The following FZR1 variants were observed in gnomAD, a reference collection of about 807,000 sequenced individuals.
FZR1 encodes fizzy-related protein homolog.
FZR1 carries 11 observed loss-of-function variants against 63.6 expected under a neutral mutation model. The ratio of observed to expected loss-of-function variants is 0.17; its 90% CI spans 0.11 to 0.29. The LOEUF is 0.29. Ranked by LOEUF, FZR1 falls within the 10% of genes least tolerant of loss-of-function variation. FZR1 has a pLI of 1.00. For missense variants in FZR1, 440 were observed against 687.5 expected, an observed-to-expected ratio of 0.64 and a Z score of 4.03; for synonymous variants, 328 against 297.9, an observed-to-expected ratio of 1.10 and a Z score of -1.04.
At chr19:3,524,617 G>GC (rs2083134550) in intron 2 of FZR1, among the ~76,000 whole-genome samples, 1 of 152,168 alleles carries the variant, frequency 6.6e-6, no homozygotes, top group Non-Finnish European at 1.5e-5. Context: ...GGCCGCAGAC[G>GC]GGGCCCACGC....
At chr19:3,518,459 G>T (rs1443111448) in intron 1 of FZR1, among the ~76,000 whole-genome samples, 2 of 152,166 alleles carry the variant, frequency 1.3e-5, no homozygotes, top group African/African-American at 2.4e-5. Context: ...AGCCACAAAG[G>T]CTCCCACCAG....
Position 3,525,899 on chromosome 19 carries a change from C to G in FZR1, c.101C>G (p.Ala34Gly), listed in dbSNP as rs765125004. Residue 34 changes from alanine (A) to glycine (G), a missense_variant, in exon 3 of 14, where the codon GCC (alanine) becomes GGC (glycine). Around this residue, in one of 5 missense-constraint regions of FZR1, gnomAD observed 200 missense variants for 245.1 expected, o/e 0.82. Coordinates refer to ENST00000441788, the MANE Select transcript of FZR1 (RefSeq NM_016263.4). This position sits in a 1 kb window ranked among gnomAD's most constrained non-coding sequence, Gnocchi z 4.2. ...GAGATGCGGCGGACCCTGACGCCTG[C>G]CAGCTCCCCAGTGTCCTCGCCCAGC... ...VTEMRRTLTPASSPVSSPSKH... is the reference protein window; with the variant it reads ...VTEMRRTLTPGSSPVSSPSKH... The G allele has an allele frequency of 6.2e-7, 1 of 1,612,204 alleles. No individual in the cohort carries two copies. Among genetic ancestry groups the G allele is most frequent in the South Asian group, 1.1e-5 (1 of 91,078 alleles).
Position 3,514,942 on chromosome 19 carries a change from G to A in FZR1, c.-34-8014G>A, listed in dbSNP as rs911356879. On this transcript the variant is annotated intron_variant, in intron 1 of 13. Transcript: ENST00000441788. This position sits in a 1 kb window ranked among gnomAD's most constrained non-coding sequence, Gnocchi z 4.2. ...CCTGGCTCTTCATTCTGGGGCCCAGGGGGTGAAAGGTGGACCTTCCCTATG... is the reference window on the plus strand; with the variant it reads ...CCTGGCTCTTCATTCTGGGGCCCAGAGGGTGAAAGGTGGACCTTCCCTATG... Among the ~76,000 whole-genome samples, 3 of 152,160 alleles carry A rather than the reference G, an allele frequency of 2.0e-5. No homozygotes were observed. The highest frequency in any genetic ancestry group is 7.2e-5 in the African/African-American group (3 of 41,444).
chr19:3,534,354 G>A, intron 12 of FZR1, 67 bp from the exon 13 acceptor site: 1 of 853,876 alleles, frequency 1.2e-6, no homozygotes, highest in South Asian at 1.5e-5. Context: ...CTCTCCTTCA[G>A]TCCCCCAGCA....
rs576340728 is a variant in FZR1 at position 3,514,163 on chromosome 19, CAG to C, written c.-35+7690_-35+7691del. Among the ~76,000 whole-genome samples the C allele has an allele frequency of 1.8e-4, 27 of 152,294 alleles. No individual in the cohort carries two copies. The highest frequency in any genetic ancestry group is 5.8e-4 in the African/African-American group (24 of 41,558). On this transcript the variant is annotated intron_variant, in intron 1 of 13. Coordinates refer to ENST00000441788, the MANE Select transcript of FZR1 (RefSeq NM_016263.4). This position sits in a 1 kb window ranked among gnomAD's most constrained non-coding sequence, Gnocchi z 4.2. ...GCCCCTCACGCTTTGCGTCCCCACTCAGGGACACCTCAAAGTCGAGCCTGGAG... is the reference window on the plus strand; with the variant it reads ...GCCCCTCACGCTTTGCGTCCCCACTCGGACACCTCAAAGTCGAGCCTGGAG...
At chr19:3,527,114 A>G (rs2083167988) in intron 6 of FZR1, 52 bp downstream of exon 6, 3 of 1,391,924 alleles carry the variant, frequency 2.2e-6, no homozygotes, top group African/African-American at 2.8e-5. Context: ...TCCCGTCAGC[A>G]GCAAGAGGTG....
In FZR1 at chr19:3,515,885, G is replaced by A. The variant is rs1032366692; in HGVS notation, c.-34-7071G>A. Among the ~76,000 whole-genome samples, 4 of 151,586 alleles carry A rather than the reference G, an allele frequency of 2.6e-5. No homozygotes were observed. The highest frequency in any genetic ancestry group is 3.9e-4 in the East Asian group (2 of 5,172). On this transcript the variant is annotated intron_variant, in intron 1 of 13. Coordinates refer to ENST00000441788, the MANE Select transcript of FZR1 (RefSeq NM_016263.4). The surrounding 1 kb of genome is among the most constrained non-coding windows in gnomAD (Gnocchi z 4.6). ...CTCCCCACCCACCCCATGACCAGCC[G>A]CTTTTCGAACCTTCTGGGAGCAGTG...
Position 3,530,851 on chromosome 19 carries a change from T to C in FZR1, c.714T>C (p.Ser238=), listed in dbSNP as rs779635500. The change falls in exon 8 of 14, where the codon TCT becomes TCC. Residue 238 remains serine (S), a synonymous_variant. Transcript: ENST00000441788. ...EGDSVTSVGW[S]ERGNLVAVGT... ...ACTCAGTGACCTCCGTGGGCTGGTC[T>C]GAGCGGGTGAGTGCAGAGGGCTTGG... The C allele has an allele frequency of 1.2e-6, 2 of 1,612,032 alleles. No individual in the cohort carries two copies. Among genetic ancestry groups the C allele is most frequent in the Non-Finnish European group, 1.7e-6 (2 of 1,178,890 alleles).
chr19:3,508,515 C>G (rs2083002444), intron 1 of FZR1, among the ~76,000 whole-genome samples: 1 of 152,202 alleles, frequency 6.6e-6, no homozygotes, highest in South Asian at 2.1e-4. Context: ...ATTTTCAAAC[C>G]ACTTACTGTT....
In FZR1 at chr19:3,523,865, A is replaced by G. The variant is rs73526002; in HGVS notation, c.69+807A>G. On this transcript the variant is annotated intron_variant, in intron 2 of 13. Transcript: ENST00000441788. Reference sequence around the variant, plus strand: ...CTAGGCCTGGGGCAGGCTCACCTTCAAGGCTTTGTTCAGCTTCAGACCCCA... The same window carrying G: ...CTAGGCCTGGGGCAGGCTCACCTTCGAGGCTTTGTTCAGCTTCAGACCCCA... Among the ~76,000 whole-genome samples, 300 of 152,206 alleles carry G rather than the reference A, an allele frequency of 2.0e-3. 1 individual carries two copies. The highest frequency in any genetic ancestry group is 6.9e-3 in the African/African-American group (287 of 41,532).
chr19:3,508,239 T>A (rs1285968707), intron 1 of FZR1, among the ~76,000 whole-genome samples: 1 of 145,276 alleles, frequency 6.9e-6, no homozygotes, highest in African/African-American at 2.6e-5. Context: ...AGTTTCGCTC[T>A]GGGCTGAAGT....
At position 3,516,049 on chromosome 19, in the gene FZR1, G is replaced by A. The variant is rs939767948; in HGVS notation, c.-34-6907G>A. ...CACACATGCATGCTGAGTTTCTAAG[G>A]ATAAATTCTTAGAAGTAGAAATACC... is the stretch of plus-strand genomic sequence containing the variant. On this transcript the variant is annotated intron_variant, in intron 1 of 13. Coordinates refer to ENST00000441788, the MANE Select transcript of FZR1 (RefSeq NM_016263.4). The surrounding 1 kb of genome is among the most constrained non-coding windows in gnomAD (Gnocchi z 6.0). 5.9e-5 allele frequency among the ~76,000 whole-genome samples: 9 copies of A among 152,210 alleles called. No homozygotes were observed. Among genetic ancestry groups the A allele is most frequent in the African/African-American group, 1.9e-4 (8 of 41,438 alleles).
chr19:3,508,397 G>A (rs2083001453), intron 1 of FZR1, among the ~76,000 whole-genome samples: 1 of 152,096 alleles, frequency 6.6e-6, no homozygotes, highest in African/African-American at 2.4e-5. Context: ...TTTTCACCAT[G>A]TTGGCCAGGC....
intron 1 of FZR1, among the ~76,000 whole-genome samples, chr19:3,507,885 G>A (rs975471515): frequency 7.9e-5 from 12 of 152,382 alleles, no homozygotes; most frequent in African/African-American, 2.9e-4. Flanking sequence ...CCCAAGTGGA[G>A]GCAGGTGTGC....
chr19:3,523,307 C>T (rs768657417), intron 2 of FZR1, among the ~76,000 whole-genome samples: 2 of 152,242 alleles, frequency 1.3e-5, no homozygotes, highest in Non-Finnish European at 2.9e-5. Flanking sequence ...GGAGCTGGGG[C>T]GGCCGCATGG....
intron 11 of FZR1, 32 bp downstream of exon 11, chr19:3,532,682 C>T: frequency 6.8e-7 from 1 of 1,478,142 alleles, no homozygotes. Flanking sequence ...TCCCACCAGG[C>T]CTCAGGATGT....
At position 3,530,907 on chromosome 19, in the gene FZR1, G is replaced by A. The variant is rs1180747194; in HGVS notation, c.720+50G>A. Reference sequence around the variant, plus strand: ...ACCTGGGAGATCTGATGGGGCTCTTGACAGTGTTGGGGGCCTTGAAGACCC... The same window carrying A: ...ACCTGGGAGATCTGATGGGGCTCTTAACAGTGTTGGGGGCCTTGAAGACCC... On this transcript the variant is annotated intron_variant, in intron 8 of 13. Coordinates refer to ENST00000441788, the MANE Select transcript of FZR1 (RefSeq NM_016263.4). 3 of 1,450,456 alleles carry A rather than the reference G, an allele frequency of 2.1e-6. No homozygotes were observed. In the African/African-American group the frequency reaches 4.2e-5, roughly 20 times the overall value. The allele number at this position is 1,450,456 out of a possible 1,614,324, so 89.8% of individuals were successfully genotyped here.
chr19:3,509,709 G>T (rs1272163258), intron 1 of FZR1, among the ~76,000 whole-genome samples: 1 of 152,198 alleles, frequency 6.6e-6, no homozygotes, highest in East Asian at 1.9e-4. Flanking sequence ...ACATTGTGTG[G>T]CCTTTTGTGT....
At chr19:3,522,827 A>T (rs2083115314) in intron 1 of FZR1, 129 bp from the exon 2 acceptor site, 1 of 641,166 alleles carries the variant, frequency 1.6e-6, no homozygotes, top group East Asian at 2.7e-5. Flanking sequence ...CTGGCAGAAG[A>T]TCCCCACAGA....
Sources: allele counts gnomAD v4.1 joint callset (sites outside exome capture counted in the v4.1 genomes callset), GRCh38; gene constraint gnomAD v4.1.1; regional missense constraint gnomAD v4.1.1; non-coding constraint Gnocchi (gnomAD v3.1); transcripts MANE v1.5; gene names NCBI Gene and HGNC (gene_info 2026-07-23, HGNC 2026-07-21).